Variants in PRMT7 observed in about 807,000 individuals in gnomAD.
PRMT7 encodes protein arginine N-methyltransferase 7.
In PRMT7, 75 loss-of-function variants were observed where a neutral mutation model predicts 85.4. The observed-to-expected ratio is 0.88, with a 90% CI of 0.73 to 1.06. The LOEUF (loss-of-function observed/expected upper bound fraction) is 1.06. PRMT7 is among the 50% of genes least tolerant of loss of function. The probability of loss-of-function intolerance (pLI) is 0.00; values close to 1 mark genes in which losing one functional copy is unlikely to be tolerated. For missense variants in PRMT7, 868 were observed against 915.2 expected, an observed-to-expected ratio of 0.95 and a Z score of 0.67; for synonymous variants, 397 against 359.5, an observed-to-expected ratio of 1.10 and a Z score of -1.18.
intron 7 of PRMT7, among the ~76,000 whole-genome samples, chr16:68,338,407 T>G (rs2085010445): frequency 6.6e-6 from 1 of 151,728 alleles, no homozygotes; most frequent in East Asian, 1.9e-4. Context: ...GTGAGGGCGA[T>G]TCTTCTGGTT....
Position 68,318,376 on chromosome 16 carries a change from T to C in PRMT7, c.95+2302T>C, listed in dbSNP as rs373952515. 2.0e-5 allele frequency among the ~76,000 whole-genome samples: 3 copies of C among 152,204 alleles called. No individual in the cohort carries two copies. In the East Asian group the frequency reaches 5.8e-4, roughly 29 times the overall value. On this transcript the variant is annotated intron_variant, in intron 3 of 18. Coordinates refer to ENST00000441236, the MANE Select transcript of PRMT7 (RefSeq NM_019023.5). Reference sequence around the variant, plus strand: ...TGCCACGCCCGGCTAATTTTTTGTATTTTTAATAGAGACGGGGTTTCACCG... The same window carrying C: ...TGCCACGCCCGGCTAATTTTTTGTACTTTTAATAGAGACGGGGTTTCACCG...
chr16:68,354,074 G>A (rs955023560), intron 16 of PRMT7, among the ~76,000 whole-genome samples: 6 of 152,202 alleles, frequency 3.9e-5, no homozygotes, highest in African/African-American at 1.4e-4. Flanking sequence ...AGGGTGAGGA[G>A]CATGGGCCGT....
intron 6 of PRMT7, among the ~76,000 whole-genome samples, chr16:68,333,468 C>T (rs1469187953): frequency 7.3e-6 from 1 of 136,876 alleles, no homozygotes; most frequent in Non-Finnish European, 1.6e-5. Context: ...GCAACAAGAG[C>T]AAAATTCTGG....
intron 14 of PRMT7, among the ~76,000 whole-genome samples, chr16:68,350,053 G>A (rs527641060): frequency 2.6e-5 from 4 of 152,370 alleles, no homozygotes; most frequent in East Asian, 3.9e-4. Flanking sequence ...AGTGAGGTAC[G>A]CAGTGTGTGG....
chr16:68,326,008 A>G (rs1468063398), intron 5 of PRMT7, among the ~76,000 whole-genome samples: 1 of 152,242 alleles, frequency 6.6e-6, no homozygotes, highest in African/African-American at 2.4e-5. Context: ...ACAGAGCAAG[A>G]AAAATTAAAA....
At position 68,324,940 on chromosome 16, in the gene PRMT7, CTG is replaced by C. The variant is rs1197913148; in HGVS notation, c.282+111_282+112del. On this transcript the variant is annotated intron_variant, in intron 5 of 18. Coordinates refer to ENST00000441236, the MANE Select transcript of PRMT7 (RefSeq NM_019023.5). ...CACAAACATTCATGGAGTGCTCACTCTGTGCCAAGCACAGAGCCAGGCTCTGA... is the reference window on the plus strand; with the variant it reads ...CACAAACATTCATGGAGTGCTCACTCTGCCAAGCACAGAGCCAGGCTCTGA... 7.8e-6 allele frequency: 11 copies of C among 1,414,010 alleles called. No homozygotes were observed. In the Admixed American group the frequency reaches 1.3e-4, roughly 16 times the overall value. 87.6% of individuals were successfully genotyped at this position (1,414,010 alleles called of 1,614,324 possible). A position where few individuals can be genotyped will look rare whatever the true frequency, so the allele number is the denominator to read the frequency against.
At chr16:68,356,556 T>C in intron 17 of PRMT7, 145 bp from the exon 18 acceptor site, 2 of 651,906 alleles carry the variant, frequency 3.1e-6, no homozygotes, top group Non-Finnish European at 5.4e-6. Context: ...GAGGAACGTT[T>C]ATGTAACTGC....
Position 68,339,890 on chromosome 16 carries a change from C to CATTGAAATG in PRMT7, c.850_858dup (p.Ile284_Met286dup). 6.2e-7 allele frequency: 1 copy of CATTGAAATG among 1,614,172 alleles called. No homozygotes were observed. The highest frequency in any genetic ancestry group is 8.5e-7 in the Non-Finnish European group (1 of 1,180,036). Reference sequence around the variant, plus strand: ...CTCAGGTGGTTCTCTCGTGGTGGGACATTGAAATGGACCCTGAGGGGAAGA... The same window carrying CATTGAAATG: ...CTCAGGTGGTTCTCTCGTGGTGGGACATTGAAATGATTGAAATGGACCCTGAGGGGAAGA... On this transcript the variant is annotated inframe_insertion, in exon 9 of 19. Coordinates refer to ENST00000441236, the MANE Select transcript of PRMT7 (RefSeq NM_019023.5).
intron 13 of PRMT7, among the ~76,000 whole-genome samples, 153 bp from the exon 14 acceptor site, chr16:68,348,189 G>A (rs1465135004): frequency 6.6e-6 from 1 of 152,164 alleles, no homozygotes; most frequent in Non-Finnish European, 1.5e-5. Context: ...GCCCCCCAAG[G>A]AGAGGATTTT....
At chr16:68,352,144 G>A (rs1261792246) in intron 14 of PRMT7, 104 bp from the exon 15 acceptor site, 61 of 1,225,196 alleles carry the variant, frequency 5.0e-5, no homozygotes, top group Non-Finnish European at 6.8e-5. Context: ...GGGAGTGAGG[G>A]AGTGACTTGA....
chr16:68,347,813 C>T, intron 13 of PRMT7, 135 bp downstream of exon 13: 1 of 750,178 alleles, frequency 1.3e-6, no homozygotes. Flanking sequence ...TTGGTTGCTG[C>T]CTGGAGAGCA....
At chr16:68,333,799 G>C (rs1238016476) in intron 6 of PRMT7, among the ~76,000 whole-genome samples, 4 of 152,022 alleles carry the variant, frequency 2.6e-5, no homozygotes, top group Non-Finnish European at 5.9e-5. Flanking sequence ...TTTTTAGATA[G>C]AGTGGCTCTG....
chr16:68,330,132 G>C (rs150757119), intron 6 of PRMT7, among the ~76,000 whole-genome samples: 4,904 of 152,194 alleles, frequency 0.032, 253 homozygotes, highest in African/African-American at 0.11. Flanking sequence ...GACCTCAGGT[G>C]ATCCGCCTGC....
At chr16:68,312,221 A>G (rs1373789995) in intron 2 of PRMT7, 45 bp downstream of exon 2, 9 of 41,700 alleles carry the variant, frequency 2.2e-4, no homozygotes, top group African/African-American at 5.6e-4. Flanking sequence ...ATATATATAT[A>G]TATATATATT....
At position 68,352,282 on chromosome 16, in the gene PRMT7, C is replaced by A. The variant is rs2087512574; in HGVS notation, c.1448C>A (p.Thr483Asn). The change falls in exon 15 of 19, where the codon ACC becomes AAC. Residue 483 changes from threonine (T) to asparagine (N), a missense_variant. Physicochemically the swap from Thr to Asn is moderately conservative, Grantham distance 65. Coordinates refer to ENST00000441236, the MANE Select transcript of PRMT7 (RefSeq NM_019023.5). ...SLLLGEPFFT[T>N]SLLPWHNLYF... is the part of the protein sequence containing the mutation. ...CTCCTGGGCGAGCCGTTCTTCACTA[C>A]CAGCCTGCTGCCGTGGCACAACCTC... 6.2e-7 allele frequency: 1 copy of A among 1,613,820 alleles called. No homozygotes were observed. The highest frequency in any genetic ancestry group is 8.5e-7 in the Non-Finnish European group (1 of 1,180,028).
chr16:68,352,390 C>T lies in PRMT7; in HGVS notation c.1556C>T (p.Ala519Val), dbSNP rs375627467. Residue 519 changes from alanine (A) to valine (V), a missense_variant, in exon 15 of 19, where the codon GCT becomes GTT. Physicochemically the swap from Ala to Val is moderately conservative, Grantham distance 64. Transcript: ENST00000441236. Reference protein sequence around the residue: ...MVMPQAASLHAVVVEFRDLWR... With the variant: ...MVMPQAASLHVVVVEFRDLWR... ...ATGCCCCAGGCAGCCTCGCTGCACG[C>T]TGTGGTTGTGGAGTTCAGGGTAGGC... 4.4e-6 allele frequency: 7 copies of T among 1,606,042 alleles called. No homozygotes were observed. The highest frequency in any genetic ancestry group is 2.2e-5 in the East Asian group (1 of 44,850).
chr16:68,339,532 A>G lies in PRMT7; in HGVS notation c.715A>G (p.Thr239Ala), dbSNP rs1238748033. 6.2e-7 allele frequency: 1 copy of G among 1,614,102 alleles called. No homozygotes were observed. Among genetic ancestry groups the G allele is most frequent in the Non-Finnish European group, 8.5e-7 (1 of 1,180,042 alleles). Reference protein sequence around the residue: ...QLNQVSPADFTVLSDVLPMFS... With the variant: ...QLNQVSPADFAVLSDVLPMFS... The stretch of plus-strand genomic sequence containing the variant: ...GAACCAGGTGTCACCAGCCGACTTT[A>G]CAGTCCTCAGCGATGTGCTGCCCAT... The change falls in exon 8 of 19, where the codon ACA becomes GCA. Residue 239 changes from threonine to alanine, a missense_variant. Thr to Ala is a moderately conservative substitution (Grantham distance 58). Transcript: ENST00000441236.
At chr16:68,332,750 A>T (rs915460326) in intron 6 of PRMT7, among the ~76,000 whole-genome samples, 10 of 152,158 alleles carry the variant, frequency 6.6e-5, no homozygotes, top group African/African-American at 2.4e-4. Flanking sequence ...TAACTCAGCA[A>T]GACTGCCGTG....
intron 2 of PRMT7, among the ~76,000 whole-genome samples, chr16:68,314,217 C>T (rs1426633930): frequency 6.6e-6 from 1 of 152,106 alleles, no homozygotes; most frequent in East Asian, 1.9e-4. Flanking sequence ...AAGATTGTTT[C>T]TAATCTATTT....
Sources: allele counts gnomAD v4.1 joint callset (sites outside exome capture counted in the v4.1 genomes callset), GRCh38; gene constraint gnomAD v4.1.1; transcripts MANE v1.5; gene names NCBI Gene and HGNC (gene_info 2026-07-23, HGNC 2026-07-21).